ZZZ3: variants seen among roughly 807,000 people sequenced by gnomAD.
ZZZ3 encodes ZZ-type zinc finger-containing protein 3.
ZZZ3 carries 22 observed loss-of-function variants against 95.2 expected under a neutral mutation model. The observed-to-expected ratio is 0.23, with a 90% CI of 0.17 to 0.33. ZZZ3 has a LOEUF of 0.33. Among genes scored for constraint, ZZZ3 ranks in the 10% least tolerant of loss-of-function variants. The pLI, the probability that ZZZ3 is intolerant of heterozygous loss-of-function variation, is 1.00. For synonymous variants in ZZZ3, 335 were observed against 358.9 expected (o/e 0.93, Z 0.75); for missense variants, 885 against 1,066.5 (o/e 0.83, Z 2.37).
Position 77,568,412 on chromosome 1 carries a change from A to G in ZZZ3, c.2386T>C (p.Leu796=). Residue 796 remains leucine, a synonymous_variant, in exon 13 of 15, where the codon TTA becomes CTA. Coordinates refer to ENST00000370801, the MANE Select transcript of ZZZ3 (RefSeq NM_015534.6). ...YRNLPEYKEL[L]QFKKLKKQKL... ...TGCTTCTTTAACTTTTTAAACTGTA[A>G]TAGTTCTTTATATTCAGGTAAATTC... 1 of 1,524,756 alleles carries G rather than the reference A, an allele frequency of 6.6e-7. No individual in the cohort carries two copies. The highest frequency in any genetic ancestry group is 2.3e-5 in the East Asian group (1 of 42,896). 94.5% of individuals were successfully genotyped at this position (1,524,756 alleles called of 1,614,324 possible).
intron 1 of ZZZ3, among the ~76,000 whole-genome samples, chr1:77,664,219 CA>C (rs943102554): frequency 7.9e-5 from 12 of 152,078 alleles, no homozygotes; most frequent in Non-Finnish European, 1.2e-4. Flanking sequence ...TATTTGCCCA[CA>C]AATATATCTG....
At chr1:77,676,179 GTT>G (rs1353086899) in intron 1 of ZZZ3, among the ~76,000 whole-genome samples, 1 of 152,120 alleles carries the variant, frequency 6.6e-6, no homozygotes, top group Non-Finnish European at 1.5e-5. Flanking sequence ...TTGGTTGGGG[GTT>G]TTTTGACAAG....
In ZZZ3 at chr1:77,632,151, T is replaced by G. The variant is rs746251385; in HGVS notation, c.1204A>C (p.Asn402His). 3 of 1,614,058 alleles carry G rather than the reference T, an allele frequency of 1.9e-6. No individual in the cohort carries two copies. In the African/African-American group the frequency reaches 4.0e-5, roughly 22 times the overall value. Residue 402 changes from asparagine to histidine, a missense_variant, in exon 5 of 15, where the codon AAT (asparagine) becomes CAT (histidine). Asn to His is a moderately conservative substitution (Grantham distance 68). This residue lies in a region of ZZZ3 where 556 missense variants were observed against 652.9 expected (regional missense o/e 0.85). Transcript: ENST00000370801. ...PTKNSSPYRENGQFEENNLSP... is the reference protein window; with the variant it reads ...PTKNSSPYREHGQFEENNLSP... ...AGATTATTCTCCTCAAATTGTCCAT[T>G]TTCTCTGTAAGGAGAACTGTTTTTA... is the stretch of plus-strand genomic sequence containing the variant.
chr1:77,675,624 AT>A (rs1672190419), intron 1 of ZZZ3, among the ~76,000 whole-genome samples: 1 of 149,680 alleles, frequency 6.7e-6, no homozygotes, highest in South Asian at 2.1e-4. Context: ...AATATTTATT[AT>A]TTTTTCACAC....
chr1:77,582,228 A>C, intron 6 of ZZZ3, 102 bp from the exon 7 acceptor site: 1 of 970,416 alleles, frequency 1.0e-6, no homozygotes, highest in Non-Finnish European at 1.5e-6. Flanking sequence ...AATCCAAATA[A>C]TCAATGGGGC....
At chr1:77,674,010 GAAA>G (rs11320447) in intron 1 of ZZZ3, among the ~76,000 whole-genome samples, 2 of 140,202 alleles carry the variant, frequency 1.4e-5, no homozygotes, top group African/African-American at 2.6e-5. Flanking sequence ...TTTTAAGTAG[GAAA>G]AAAAAAAAAA....
chr1:77,566,158 G>A lies in ZZZ3; in HGVS notation c.2490C>T (p.Pro830=). 2 of 1,612,446 alleles carry A rather than the reference G, an allele frequency of 1.2e-6. No individual in the cohort carries two copies. The highest frequency in any genetic ancestry group is 8.5e-7 in the Non-Finnish European group (1 of 1,179,020). The change falls in exon 14 of 15, where the codon CCC becomes CCT. Residue 830 remains proline, a synonymous_variant. Coordinates refer to ENST00000370801, the MANE Select transcript of ZZZ3 (RefSeq NM_015534.6). ...GGCAATGCCACCGAACACCCTGGATGGGTTCTATGCCACAGTTATCACACT... is the reference window on the plus strand; with the variant it reads ...GGCAATGCCACCGAACACCCTGGATAGGTTCTATGCCACAGTTATCACACT... ...GFKCDNCGIE[P]IQGVRWHCQD... is the part of the protein sequence containing the mutation.
intron 4 of ZZZ3, among the ~76,000 whole-genome samples, chr1:77,636,765 T>C (rs1435334837): frequency 6.7e-6 from 1 of 150,082 alleles, no homozygotes; most frequent in African/African-American, 2.4e-5. Context: ...TTTTTCACCA[T>C]TCCACTGATT....
At chr1:77,567,012 G>T (rs1023755438) in intron 13 of ZZZ3, among the ~76,000 whole-genome samples, 2 of 152,172 alleles carry the variant, frequency 1.3e-5, no homozygotes, top group Non-Finnish European at 2.9e-5. Context: ...CTCTATTGGA[G>T]AAACAGGGTC....
In ZZZ3 at chr1:77,632,826, T is replaced by C. The variant is rs1667934600; in HGVS notation, c.529A>G (p.Ile177Val). 1.2e-6 allele frequency: 2 copies of C among 1,614,056 alleles called. No individual in the cohort carries two copies. The highest frequency in any genetic ancestry group is 1.7e-5 in the Admixed American group (1 of 60,004). ...LILDDCEKRE[I>V]KKVNVSEEGP... ...TCCTCACTGACATTCACCTTTTTAA[T>C]TTCCCTTTTCTCACAATCATCCAGT... is the stretch of plus-strand genomic sequence containing the variant. The change falls in exon 5 of 15, where the codon ATT becomes GTT. Residue 177 changes from isoleucine to valine, a missense_variant. This residue lies in a region of ZZZ3 where 556 missense variants were observed against 652.9 expected (regional missense o/e 0.85). Transcript: ENST00000370801.
chr1:77,648,981 G>C (rs1463767056), intron 1 of ZZZ3, among the ~76,000 whole-genome samples: 1 of 152,044 alleles, frequency 6.6e-6, no homozygotes, highest in Non-Finnish European at 1.5e-5. Flanking sequence ...ACAAAAATTA[G>C]CCAAGAGTGG....
At chr1:77,611,417 C>T (rs1314046039) in intron 5 of ZZZ3, among the ~76,000 whole-genome samples, 1 of 151,776 alleles carries the variant, frequency 6.6e-6, no homozygotes, top group Non-Finnish European at 1.5e-5. Flanking sequence ...TCGAAGCAAC[C>T]TACAGATTTA....
At position 77,632,472 on chromosome 1, in the gene ZZZ3, G is replaced by C. The variant is rs144523286; in HGVS notation, c.883C>G (p.Leu295Val). The change falls in exon 5 of 15, where the codon CTG (leucine) becomes GTG (valine). Residue 295 changes from leucine (L) to valine (V), a missense_variant. Leu to Val is a conservative substitution (Grantham distance 32). This residue lies in a region of ZZZ3 where 556 missense variants were observed against 652.9 expected (regional missense o/e 0.85). Coordinates refer to ENST00000370801, the MANE Select transcript of ZZZ3 (RefSeq NM_015534.6). ...GGCCCTGTAGCTGGCTCAGTAGTCA[G>C]CTGATTAACATGTTCCACAGGCAAG... ...ACLPVEHVNQ[L>V]TTEPATGPFS... 1 of 1,614,152 alleles carries C rather than the reference G, an allele frequency of 6.2e-7. No individual in the cohort carries two copies. Among genetic ancestry groups the C allele is most frequent in the Admixed American group, 1.7e-5 (1 of 60,016 alleles).
chr1:77,618,022 T>C (rs1024866332), intron 5 of ZZZ3, among the ~76,000 whole-genome samples: 8 of 152,206 alleles, frequency 5.3e-5, no homozygotes, highest in African/African-American at 1.9e-4. Context: ...ACCACCAAAC[T>C]GTTATCCACA....
intron 1 of ZZZ3, among the ~76,000 whole-genome samples, chr1:77,668,134 T>C (rs1047453503): frequency 3.9e-5 from 6 of 152,222 alleles, no homozygotes; most frequent in Non-Finnish European, 1.5e-5. Context: ...TTAATTTCTT[T>C]AGATTACTCA....
intron 5 of ZZZ3, among the ~76,000 whole-genome samples, chr1:77,604,894 A>C (rs1234338572): frequency 4.6e-5 from 7 of 152,294 alleles, no homozygotes; most frequent in Non-Finnish European, 7.4e-5. Flanking sequence ...CCAACACACA[A>C]ATTTTTTTAA....
chr1:77,615,145 C>A (rs1368514047), intron 5 of ZZZ3, among the ~76,000 whole-genome samples: 1 of 152,192 alleles, frequency 6.6e-6, no homozygotes, highest in Non-Finnish European at 1.5e-5. Flanking sequence ...AAGCTTTCTT[C>A]CTACCTAACA....
intron 1 of ZZZ3, among the ~76,000 whole-genome samples, chr1:77,661,722 C>A (rs1051727642): frequency 6.6e-6 from 1 of 152,138 alleles, no homozygotes; most frequent in Non-Finnish European, 1.5e-5. Flanking sequence ...AAAGTGGGCA[C>A]TCAAAATTGC....
intron 1 of ZZZ3, among the ~76,000 whole-genome samples, chr1:77,678,594 G>A (rs1672477575): frequency 6.6e-6 from 1 of 152,164 alleles, no homozygotes; most frequent in East Asian, 1.9e-4. Flanking sequence ...ATGATTATAG[G>A]AGTGTATGTA....
Sources: allele counts gnomAD v4.1 joint callset (sites outside exome capture counted in the v4.1 genomes callset), GRCh38; gene constraint gnomAD v4.1.1; regional missense constraint gnomAD v4.1.1; transcripts MANE v1.5; gene names NCBI Gene and HGNC (gene_info 2026-07-23, HGNC 2026-07-21).